MEGF8: variants seen among roughly 807,000 people sequenced by gnomAD.
MEGF8 encodes multiple EGF like domains 8.
Under a neutral mutation model 302.9 loss-of-function variants are expected in MEGF8, and 156 were observed. That is an observed-to-expected ratio of 0.52 (90% CI 0.45 to 0.59). MEGF8 has a LOEUF of 0.59. Among genes scored for constraint, MEGF8 ranks in the 20% least tolerant of loss-of-function variants. The pLI is 0.00. For synonymous variants in MEGF8, 1,621 were observed against 1,660.5 expected (o/e 0.98, Z 0.58); for missense variants, 3,345 against 3,964.5 (o/e 0.84, Z 4.20).
At position 42,356,902 on chromosome 19, in the gene MEGF8, T is replaced by TG; in HGVS notation, c.4757dup (p.Leu1587ThrfsTer9). 6.2e-7 allele frequency: 1 copy of TG among 1,609,564 alleles called. No individual in the cohort carries two copies. Among genetic ancestry groups the TG allele is most frequent in the Non-Finnish European group, 8.5e-7 (1 of 1,178,244 alleles). On this transcript the variant is annotated frameshift_variant, in exon 27 of 42. Transcript: ENST00000251268. LOFTEE classifies it high-confidence loss of function. The surrounding 1 kb of genome is among the most constrained non-coding windows in gnomAD (Gnocchi z 5.2). ...GCTGGCCGTGGTGCCATGTATCTGC[T>TG]GGGGGGACTTACCGCTGGAGGCGTC...
In MEGF8 at chr19:42,336,928, C is replaced by T; in HGVS notation, c.1366C>T (p.Leu456=). 1 of 1,613,874 alleles carries T rather than the reference C, an allele frequency of 6.2e-7. No homozygotes were observed. Among genetic ancestry groups the T allele is most frequent in the Non-Finnish European group, 8.5e-7 (1 of 1,179,838 alleles). ...RERAFHTASV[L]GNYMVVYGGN... Reference sequence around the variant, plus strand: ...GCGAGCCTTCCACACAGCCAGTGTTCTGGGCAATTACATGGTGGTCTATGG... The same window carrying T: ...GCGAGCCTTCCACACAGCCAGTGTTTTGGGCAATTACATGGTGGTCTATGG... The change falls in exon 7 of 42, where the codon CTG becomes TTG. Residue 456 remains leucine, a synonymous_variant. Transcript: ENST00000251268. The surrounding 1 kb of genome is among the most constrained non-coding windows in gnomAD (Gnocchi z 4.8).
rs1435332644 is a variant in MEGF8, at chr19:42,351,689, T to C, written c.3029T>C (p.Leu1010Pro). The change falls in exon 18 of 42, where the codon CTG (leucine) becomes CCG (proline). Residue 1010 changes from leucine (L) to proline (P), a missense_variant. Physicochemically the swap from Leu to Pro is moderately conservative, Grantham distance 98. Coordinates refer to ENST00000251268, the MANE Select transcript of MEGF8 (RefSeq NM_001271938.2). This position sits in a 1 kb window ranked among gnomAD's most constrained non-coding sequence, Gnocchi z 5.6. Reference sequence around the variant, plus strand: ...CGGTGCCGGAGCTGCGATGGCTTCCTGACCTGCCATGAGTGTCTGCAGAGC... The same window carrying C: ...CGGTGCCGGAGCTGCGATGGCTTCCCGACCTGCCATGAGTGTCTGCAGAGC... ...EPRCRSCDGF[L>P]TCHECLQSHE... The C allele has an allele frequency of 5.0e-6, 8 of 1,591,660 alleles. No homozygotes were observed. Among genetic ancestry groups the C allele is most frequent in the Non-Finnish European group, 6.0e-6 (7 of 1,170,032 alleles).
intron 1 of MEGF8, among the ~76,000 whole-genome samples, chr19:42,332,827 G>C (rs756325282): frequency 2.6e-5 from 4 of 152,176 alleles, no homozygotes; most frequent in Non-Finnish European, 5.9e-5. Flanking sequence ...TCCCAGATAC[G>C]AGAGGCAGGG....
rs187974955 is a variant in MEGF8, at chr19:42,378,428, T to C, written c.*1653T>C. 2.1e-4 allele frequency: 33 copies of C among 153,912 alleles called. No individual in the cohort carries two copies. Among genetic ancestry groups the C allele is most frequent in the Non-Finnish European group, 2.5e-4 (17 of 68,088 alleles). 9.5% of individuals were successfully genotyped at this position (153,912 alleles called of 1,614,324 possible). On this transcript the variant is annotated 3_prime_UTR_variant, in exon 42 of 42. Coordinates refer to ENST00000251268, the MANE Select transcript of MEGF8 (RefSeq NM_001271938.2). ...CTGAGGTTGGGGATGAAAATGCCGG[T>C]ACCGTCAGTGCACAGCCCTGTTCCA...
chr19:42,345,402 C>T (rs1339365382), intron 12 of MEGF8, among the ~76,000 whole-genome samples: 1 of 152,204 alleles, frequency 6.6e-6, no homozygotes, highest in East Asian at 1.9e-4. Context: ...ATTTTCATCA[C>T]CCCAGAGGAC....
In MEGF8 at chr19:42,370,256, C is replaced by T; in HGVS notation, c.6902C>T (p.Pro2301Leu). 1 of 1,613,944 alleles carries T rather than the reference C, an allele frequency of 6.2e-7. No individual in the cohort carries two copies. The highest frequency in any genetic ancestry group is 8.5e-7 in the Non-Finnish European group (1 of 1,179,888). Residue 2301 changes from proline (P) to leucine (L), a missense_variant, in exon 39 of 42, where the codon CCC (proline) becomes CTC (leucine). Pro to Leu is a moderately conservative substitution (Grantham distance 98, BLOSUM62 -3). Coordinates refer to ENST00000251268, the MANE Select transcript of MEGF8 (RefSeq NM_001271938.2). ...GSAVGGGTCR[P>L]CHAFCRGNSH... Reference sequence around the variant, plus strand: ...GCTGTCGGAGGCGGGACCTGCCGGCCCTGCCACGCCTTTTGTCGTGGAAAT... The same window carrying T: ...GCTGTCGGAGGCGGGACCTGCCGGCTCTGCCACGCCTTTTGTCGTGGAAAT...
At chr19:42,366,388 A>T (rs906182036) in intron 35 of MEGF8, among the ~76,000 whole-genome samples, 1 of 152,004 alleles carries the variant, frequency 6.6e-6, no homozygotes, top group African/African-American at 2.4e-5. Flanking sequence ...TTTAGTAGAG[A>T]CTGGGTGTCA....
At position 42,335,970 on chromosome 19, in the gene MEGF8, T is replaced by C; in HGVS notation, c.868T>C (p.Ser290Pro). 1 of 1,509,950 alleles carries C rather than the reference T, an allele frequency of 6.6e-7. No homozygotes were observed. Among genetic ancestry groups the C allele is most frequent in the Non-Finnish European group, 8.9e-7 (1 of 1,126,874 alleles). The allele number at this position is 1,509,950 out of a possible 1,614,324, so 93.5% of individuals were successfully genotyped here. ...HSHVAVAWAG[S>P]LVLMGGELAD... Reference sequence around the variant, plus strand: ...CCATGTGGCCGTGGCCTGGGCCGGCTCCCTGGTACTGATGGGTGGTGAGCT... The same window carrying C: ...CCATGTGGCCGTGGCCTGGGCCGGCCCCCTGGTACTGATGGGTGGTGAGCT... The change falls in exon 6 of 42, where the codon TCC becomes CCC. Residue 290 changes from serine (S) to proline (P), a missense_variant. By Grantham distance (74) the Ser-to-Pro change is moderately conservative. Coordinates refer to ENST00000251268, the MANE Select transcript of MEGF8 (RefSeq NM_001271938.2).
Position 42,375,702 on chromosome 19 carries a change from A to T in MEGF8, c.7465A>T (p.Ile2489Phe). The T allele has an allele frequency of 6.2e-7, 1 of 1,611,228 alleles. No homozygotes were observed. Among genetic ancestry groups the T allele is most frequent in the Non-Finnish European group, 8.5e-7 (1 of 1,179,176 alleles). The change falls in exon 42 of 42, where the codon ATC becomes TTC. Residue 2489 changes from isoleucine (I) to phenylalanine (F), a missense_variant. Physicochemically the swap from Ile to Phe is conservative, Grantham distance 21. Coordinates refer to ENST00000251268, the MANE Select transcript of MEGF8 (RefSeq NM_001271938.2). The surrounding 1 kb of genome is among the most constrained non-coding windows in gnomAD (Gnocchi z 7.1). Reference sequence around the variant, plus strand: ...GCAGCCCAAATTCACCAACGTGGACATCCGCCTGACGCTGGACGTGACCTT... The same window carrying T: ...GCAGCCCAAATTCACCAACGTGGACTTCCGCCTGACGCTGGACGTGACCTT... The part of the protein sequence containing the change: ...GVQPKFTNVD[I>F]RLTLDVTFGA...
In MEGF8 at chr19:42,353,687, G is replaced by A; in HGVS notation, c.3761+12G>A. On this transcript the variant is annotated intron_variant, in intron 21 of 41. Transcript: ENST00000251268. The surrounding 1 kb of genome is among the most constrained non-coding windows in gnomAD (Gnocchi z 6.1). Reference sequence around the variant, plus strand: ...TATGGGGATCCCCGGTGAGCCAACGGGCCAGCCAGGGCTGGGTAGGGTGTG... The same window carrying A: ...TATGGGGATCCCCGGTGAGCCAACGAGCCAGCCAGGGCTGGGTAGGGTGTG... 1.9e-6 allele frequency: 3 copies of A among 1,575,894 alleles called. No homozygotes were observed. The East Asian group carries it at 6.8e-5, about 36-fold the overall frequency.
chr19:42,334,706 C>T lies in MEGF8; in HGVS notation c.559-329C>T, dbSNP rs984729924. 3.9e-5 allele frequency among the ~76,000 whole-genome samples: 6 copies of T among 152,108 alleles called. No individual in the cohort carries two copies. The East Asian group carries it at 7.7e-4, about 20-fold the overall frequency. ...CGCTGTCTGTATTCTCCCAGCCTGC[C>T]GTCTTTCTGTCTTTTCTCCTTTTTC... On this transcript the variant is annotated intron_variant, in intron 3 of 41. Coordinates refer to ENST00000251268, the MANE Select transcript of MEGF8 (RefSeq NM_001271938.2).
At position 42,368,312 on chromosome 19, in the gene MEGF8, T is replaced by C. The variant is rs2039635928; in HGVS notation, c.6274-143T>C. The C allele has an allele frequency of 7.4e-6, 5 of 671,312 alleles. No individual in the cohort carries two copies. The highest frequency in any genetic ancestry group is 6.1e-5 in the South Asian group (3 of 49,136). 41.6% of individuals were successfully genotyped at this position (671,312 alleles called of 1,614,324 possible). On this transcript the variant is annotated intron_variant, in intron 35 of 41. Transcript: ENST00000251268. This position sits in a 1 kb window ranked among gnomAD's most constrained non-coding sequence, Gnocchi z 4.9. ...GGGAAAACATGATGACCCCAGCTAG[T>C]GTCCACTTTGCTCTACCTGTGGCCA...
chr19:42,331,789 C>A (rs758156199), intron 1 of MEGF8, among the ~76,000 whole-genome samples: 2 of 149,512 alleles, frequency 1.3e-5, no homozygotes, highest in Non-Finnish European at 3.0e-5. Flanking sequence ...AGGCTGGTCT[C>A]GAACTCTTGA....
Position 42,336,810 on chromosome 19 carries a change from C to A in MEGF8, c.1248C>A (p.Phe416Leu). Residue 416 changes from phenylalanine (F) to leucine (L), a missense_variant, in exon 7 of 42, where the codon TTC becomes TTA. Coordinates refer to ENST00000251268, the MANE Select transcript of MEGF8 (RefSeq NM_001271938.2). This position sits in a 1 kb window ranked among gnomAD's most constrained non-coding sequence, Gnocchi z 4.8. ...HGGHRPSTAR[F>L]SVRVNSTELF... ...TGCCCTGCTTCTCCTTCGGTAGGTTCTCTGTGCGAGTGAACTCCACTGAGC... is the reference window on the plus strand; with the variant it reads ...TGCCCTGCTTCTCCTTCGGTAGGTTATCTGTGCGAGTGAACTCCACTGAGC... 1 of 1,586,248 alleles carries A rather than the reference C, an allele frequency of 6.3e-7. No individual in the cohort carries two copies. The highest frequency in any genetic ancestry group is 8.6e-7 in the Non-Finnish European group (1 of 1,165,674).
chr19:42,358,663 G>A lies in MEGF8; in HGVS notation c.5176-124G>A. 1 of 1,184,370 alleles carries A rather than the reference G, an allele frequency of 8.4e-7. No homozygotes were observed. The highest frequency in any genetic ancestry group is 1.2e-6 in the Non-Finnish European group (1 of 864,010). 73.4% of individuals were successfully genotyped at this position (1,184,370 alleles called of 1,614,324 possible). On this transcript the variant is annotated intron_variant, in intron 29 of 41. Coordinates refer to ENST00000251268, the MANE Select transcript of MEGF8 (RefSeq NM_001271938.2). The surrounding 1 kb of genome is among the most constrained non-coding windows in gnomAD (Gnocchi z 4.4). ...TGTGTGTGGGAGGGCAGGGAGCCCT[G>A]TCTGCACTGGTTAGAGAGGCTGGTG...
chr19:42,334,879 T>A (rs1254420243), intron 3 of MEGF8, among the ~76,000 whole-genome samples, 156 bp from the exon 4 acceptor site: 1 of 152,030 alleles, frequency 6.6e-6, no homozygotes, highest in Non-Finnish European at 1.5e-5. Context: ...CTCTCTCTCT[T>A]TCCTTTTCCA....
In MEGF8 at chr19:42,376,864, CTG is replaced by C; in HGVS notation, c.*91_*92del. Reference sequence around the variant, plus strand: ...CCCTCCACCTGGGGGCCCCTGGACACTGTCTACTTGGAGACCACTGGCCCCCT... The same window carrying C: ...CCCTCCACCTGGGGGCCCCTGGACACTCTACTTGGAGACCACTGGCCCCCT... On this transcript the variant is annotated 3_prime_UTR_variant, in exon 42 of 42. Transcript: ENST00000251268. The surrounding 1 kb of genome is among the most constrained non-coding windows in gnomAD (Gnocchi z 8.2). 7.3e-7 allele frequency: 1 copy of C among 1,368,952 alleles called. No homozygotes were observed. The allele number at this position is 1,368,952 out of a possible 1,614,324, so 84.8% of individuals were successfully genotyped here. A position where few individuals can be genotyped will look rare whatever the true frequency, so the allele number is the denominator to read the frequency against.
chr19:42,344,316 A>G lies in MEGF8; in HGVS notation c.1789-125A>G. On this transcript the variant is annotated intron_variant, in intron 10 of 41. Coordinates refer to ENST00000251268, the MANE Select transcript of MEGF8 (RefSeq NM_001271938.2). The surrounding 1 kb of genome is among the most constrained non-coding windows in gnomAD (Gnocchi z 4.5). ...CGTCCTCTGGATCTCCCACATTCCA[A>G]GTCAACTCCCCGTTCTTCAGTTTTT... is the stretch of plus-strand genomic sequence containing the variant. 1 of 1,374,996 alleles carries G rather than the reference A, an allele frequency of 7.3e-7. No individual in the cohort carries two copies. The highest frequency in any genetic ancestry group is 2.4e-5 in the Admixed American group (1 of 41,546). The allele number at this position is 1,374,996 out of a possible 1,614,324, so 85.2% of individuals were successfully genotyped here.
At chr19:42,363,997 C>G (rs1298583299) in intron 35 of MEGF8, among the ~76,000 whole-genome samples, 1 of 152,224 alleles carries the variant, frequency 6.6e-6, no homozygotes, top group Non-Finnish European at 1.5e-5. Flanking sequence ...CGAGGAGAAA[C>G]TCTGACTTAG....
Sources: gnomAD v4.1 joint callset for allele counts (sites outside exome capture counted in the v4.1 genomes callset) on GRCh38, gnomAD v4.1.1 for gene constraint, Gnocchi (gnomAD v3.1) non-coding constraint, MANE v1.5 for transcripts, NCBI Gene and HGNC (gene_info 2026-07-23, HGNC 2026-07-21) for gene names.